The following NAA25 variants were observed in gnomAD, a reference collection of about 807,000 sequenced individuals.
NAA25 encodes N-alpha-acetyltransferase 25, NatB auxiliary subunit, also known as N-terminal acetyltransferase B complex subunit NAA25.
A neutral mutation model predicts 132.5 loss-of-function variants in NAA25; 30 were observed. The observed-to-expected ratio is 0.23, with a 90% confidence interval of 0.17 to 0.31. The LOEUF is 0.31. Ranked by LOEUF, NAA25 falls within the 10% of genes least tolerant of loss-of-function variation. The pLI is 1.00. For missense variants in NAA25, 771 were observed against 1,150.4 expected, an observed-to-expected ratio of 0.67 and a Z score of 4.77; for synonymous variants, 359 against 401.9, an observed-to-expected ratio of 0.89 and a Z score of 1.28.
intron 1 of NAA25, among the ~76,000 whole-genome samples, chr12:112,093,820 C>G (rs2079172529): frequency 6.6e-6 from 1 of 151,392 alleles, no homozygotes; most frequent in Admixed American, 6.6e-5. Flanking sequence ...GTTGAGGCTA[C>G]AGTGTGAGCC....
intron 4 of NAA25, among the ~76,000 whole-genome samples, chr12:112,082,296 T>C (rs960885766): frequency 2.0e-5 from 3 of 151,896 alleles, no homozygotes; most frequent in African/African-American, 7.3e-5. Context: ...AGGCCAGCCA[T>C]GATGATTCAT....
intron 11 of NAA25, among the ~76,000 whole-genome samples, chr12:112,066,089 G>A (rs915374217): frequency 6.6e-6 from 1 of 152,118 alleles, no homozygotes. Flanking sequence ...CTGAATAGAC[G>A]ATTCTTACTA....
At chr12:112,068,321 T>C (rs576168446) in intron 11 of NAA25, among the ~76,000 whole-genome samples, 1 of 152,228 alleles carries the variant, frequency 6.6e-6, no homozygotes, top group African/African-American at 2.4e-5. Flanking sequence ...CATGTGGGAT[T>C]CTGGTGGTGG....
intron 3 of NAA25, among the ~76,000 whole-genome samples, chr12:112,089,675 T>C (rs997702784): frequency 1.3e-5 from 2 of 151,950 alleles, no homozygotes; most frequent in Non-Finnish European, 2.9e-5. Context: ...CGAGTAACTC[T>C]TGGTAGGTAA....
chr12:112,078,592 GC>G (rs909198434), intron 6 of NAA25, 41 bp downstream of exon 6: 3 of 1,509,330 alleles, frequency 2.0e-6, no homozygotes, highest in Admixed American at 1.7e-5. Context: ...TGTAGCACTA[GC>G]AAAAAAATGA....
chr12:112,043,933 T>G lies in NAA25; in HGVS notation c.2007-65A>C. ...TATTCAATCCATTGCTTTCAATTTT[T>G]TTTTTTTTTTTTGAGACAGAGTCTT... On this transcript the variant is annotated intron_variant, in intron 17 of 23. Coordinates refer to ENST00000261745, the MANE Select transcript of NAA25 (RefSeq NM_024953.4). The G allele has an allele frequency of 2.6e-6, 4 of 1,523,828 alleles. No homozygotes were observed. The South Asian group carries it at 5.1e-5, about 19-fold the overall frequency. 94.4% of individuals were successfully genotyped at this position (1,523,828 alleles called of 1,614,324 possible).
At chr12:112,083,518 A>C (rs1593814940) in intron 4 of NAA25, among the ~76,000 whole-genome samples, 1 of 151,200 alleles carries the variant, frequency 6.6e-6, no homozygotes, top group South Asian at 2.1e-4. Context: ...CAAGAGTGAA[A>C]CCCCATCTCA....
chr12:112,090,614 T>C, intron 3 of NAA25, 112 bp downstream of exon 3: 1 of 1,069,084 alleles, frequency 9.4e-7, no homozygotes. Context: ...TGCGTTATTC[T>C]ACCTACTGTA....
At chr12:112,082,253 A>G (rs1016983269) in intron 4 of NAA25, among the ~76,000 whole-genome samples, 7 of 152,086 alleles carry the variant, frequency 4.6e-5, no homozygotes, top group Non-Finnish European at 1.0e-4. Flanking sequence ...GTCTCCAAAA[A>G]ATAAATAAAT....
At chr12:112,088,240 A>G (rs2079082243) in intron 3 of NAA25, among the ~76,000 whole-genome samples, 1 of 150,614 alleles carries the variant, frequency 6.6e-6, no homozygotes, top group East Asian at 1.9e-4. Context: ...TCTGAACACC[A>G]TCTCTGCTTC....
Position 112,087,816 on chromosome 12 carries a change from A to T in NAA25, c.284-15T>A. 6.6e-7 allele frequency: 1 copy of T among 1,517,704 alleles called. No individual in the cohort carries two copies. Among genetic ancestry groups the T allele is most frequent in the East Asian group, 2.3e-5 (1 of 44,422 alleles). The allele number at this position is 1,517,704 out of a possible 1,614,324, so 94.0% of individuals were successfully genotyped here. A position where few individuals can be genotyped will look rare whatever the true frequency, so the allele number is the denominator to read the frequency against. Reference sequence around the variant, plus strand: ...AACTAACTCCGCTAAGATAAAGAGAAATAAGATTTAAGTTATACTTCAAGA... The same window carrying T: ...AACTAACTCCGCTAAGATAAAGAGATATAAGATTTAAGTTATACTTCAAGA... On this transcript the variant is annotated splice_polypyrimidine_tract_variant and intron_variant, in intron 3 of 23. Coordinates refer to ENST00000261745, the MANE Select transcript of NAA25 (RefSeq NM_024953.4).
intron 4 of NAA25, among the ~76,000 whole-genome samples, chr12:112,086,073 T>TATATATACATATATATACAC (rs759148501): frequency 1.9e-5 from 1 of 53,964 alleles, no homozygotes; most frequent in Non-Finnish European, 2.8e-5. Context: ...TATATATATA[T>TATATATACATATATATACAC]ACACACACAC....
intron 22 of NAA25, among the ~76,000 whole-genome samples, chr12:112,037,404 A>G (rs1392072805): frequency 6.9e-6 from 1 of 144,524 alleles, no homozygotes; most frequent in Non-Finnish European, 1.5e-5. Context: ...ATAAATGATA[A>G]AAGACAGAAT....
At chr12:112,099,977 T>A (rs1418177287) in intron 1 of NAA25, among the ~76,000 whole-genome samples, 1 of 152,152 alleles carries the variant, frequency 6.6e-6, no homozygotes, top group Non-Finnish European at 1.5e-5. Flanking sequence ...AAACACAATA[T>A]CCTTTACTTA....
Position 112,078,683 on chromosome 12 carries a change from C to G in NAA25, c.536G>C (p.Arg179Thr). 6.2e-7 allele frequency: 1 copy of G among 1,613,934 alleles called. No homozygotes were observed. Among genetic ancestry groups the G allele is most frequent in the Non-Finnish European group, 8.5e-7 (1 of 1,179,898 alleles). Residue 179 changes from arginine (R) to threonine (T), a missense_variant, in exon 6 of 24, where the codon AGA becomes ACA. By Grantham distance (71) the Arg-to-Thr change is moderately conservative (BLOSUM62 -1). Transcript: ENST00000261745. ...SKTMFLPLAE[R>T]MVEKMVKEDK... ...CTCTTTCACCATTTTTTCGACCATTCTCTCAGCAAGGGGCAGAAACATTGT... is the reference window on the plus strand; with the variant it reads ...CTCTTTCACCATTTTTTCGACCATTGTCTCAGCAAGGGGCAGAAACATTGT...
intron 8 of NAA25, 100 bp downstream of exon 8, chr12:112,075,578 T>G: frequency 1.1e-6 from 1 of 945,086 alleles, no homozygotes; most frequent in South Asian, 1.5e-5. Flanking sequence ...TAAGAAGACT[T>G]TATGCCCAGA....
rs762236050 is a variant in NAA25 at position 112,069,001 on chromosome 12, C to T, written c.1037-9G>A. The T allele has an allele frequency of 1.7e-5, 25 of 1,494,780 alleles. No individual in the cohort carries two copies. Among genetic ancestry groups the T allele is most frequent in the East Asian group, 2.3e-5 (1 of 44,362 alleles). 92.6% of individuals were successfully genotyped at this position (1,494,780 alleles called of 1,614,324 possible). ...TAATTCTTCTGGATCACCTGGGGGA[C>T]GGGGAACAAAATCACTTTATTACTC... is the stretch of plus-strand genomic sequence containing the variant. On this transcript the variant is annotated splice_polypyrimidine_tract_variant and intron_variant, in intron 10 of 23. Transcript: ENST00000261745.
In NAA25 at chr12:112,033,390, G is replaced by A; in HGVS notation, c.2650-11C>T. 6.3e-7 allele frequency: 1 copy of A among 1,588,898 alleles called. No individual in the cohort carries two copies. Among genetic ancestry groups the A allele is most frequent in the Admixed American group, 1.9e-5 (1 of 52,826 alleles). On this transcript the variant is annotated splice_polypyrimidine_tract_variant and intron_variant, in intron 22 of 23. Coordinates refer to ENST00000261745, the MANE Select transcript of NAA25 (RefSeq NM_024953.4). ...GGTAAAGACAGGTGGCTGGGAAAAA[G>A]ATTAAAAAAGAGTTGAAACATTATC...
Position 112,040,492 on chromosome 12 carries a change from A to G in NAA25, c.2527T>C (p.Phe843Leu). 1 of 1,585,432 alleles carries G rather than the reference A, an allele frequency of 6.3e-7. No individual in the cohort carries two copies. The highest frequency in any genetic ancestry group is 8.6e-7 in the Non-Finnish European group (1 of 1,157,256). The change falls in exon 21 of 24, where the codon TTC becomes CTC. Residue 843 changes from phenylalanine (F) to leucine (L), a missense_variant. Around this residue, in one of 3 missense-constraint regions of NAA25, gnomAD observed 324 missense variants for 400.0 expected, o/e 0.81. Transcript: ENST00000261745. ...GAACAAAAACTTACCTCAACAAAGA[A>G]AACTAGATTTTCTAAAAGAGTAGGA... ...THPTLLENLV[F>L]FVETISVILW...
Sources: gnomAD v4.1 joint callset for allele counts (sites outside exome capture counted in the v4.1 genomes callset) on GRCh38, gnomAD v4.1.1 for gene constraint, gnomAD v4.1.1 regional missense constraint, MANE v1.5 for transcripts, NCBI Gene and HGNC (gene_info 2026-07-23, HGNC 2026-07-21) for gene names.